Variants in TYW1B observed in about 807,000 individuals in gnomAD.
The protein encoded by TYW1B is S-adenosyl-L-methionine-dependent tRNA 4-demethylwyosine synthase TYW1B.
TYW1B carries 73 observed loss-of-function variants against 86.9 expected under a neutral mutation model. The observed-to-expected ratio is 0.84, with a 90% CI of 0.70 to 1.02. The LOEUF is 1.02. Ranked by LOEUF, TYW1B falls within the 50% of genes least tolerant of loss-of-function variation. The pLI, the probability that TYW1B is intolerant of heterozygous loss-of-function variation, is 0.00. For synonymous variants in TYW1B, 248 were observed against 292.8 expected, an observed-to-expected ratio of 0.85 and a Z score of 1.56; for missense variants, 637 against 827.4, an observed-to-expected ratio of 0.77 and a Z score of 2.82.
intron 11 of TYW1B, among the ~76,000 whole-genome samples, chr7:72,686,431 C>T (rs547030509): frequency 4.6e-5 from 7 of 152,200 alleles, no homozygotes; most frequent in African/African-American, 1.7e-4. Context: ...ATGCATATTG[C>T]TAAGTGAAAG....
chr7:72,582,360 T>C (rs543544931), intron 13 of TYW1B, among the ~76,000 whole-genome samples: 1 of 152,226 alleles, frequency 6.6e-6, no homozygotes, highest in African/African-American at 2.4e-5. Flanking sequence ...ACACAGAGGA[T>C]TAGGAATCTG....
chr7:72,693,701 C>T (rs553229333), intron 11 of TYW1B, among the ~76,000 whole-genome samples: 3 of 152,054 alleles, frequency 2.0e-5, no homozygotes, highest in East Asian at 1.9e-4. Context: ...GGCCTGCAGA[C>T]GCCTCTTTTA....
chr7:72,593,660 A>G (rs1374424523), intron 13 of TYW1B, among the ~76,000 whole-genome samples: 1 of 151,716 alleles, frequency 6.6e-6, no homozygotes, highest in African/African-American at 2.4e-5. Context: ...GTCTTTACTA[A>G]AAATACAAAA....
intron 13 of TYW1B, among the ~76,000 whole-genome samples, chr7:72,589,009 T>G (rs1312146817): frequency 3.9e-5 from 6 of 152,154 alleles, no homozygotes; most frequent in Admixed American, 3.3e-4. Context: ...GATGGGGTTT[T>G]GCCATGTTGG....
chr7:72,716,805 A>ATTTTTTTTT (rs71071904), intron 9 of TYW1B, among the ~76,000 whole-genome samples: 1 of 136,466 alleles, frequency 7.3e-6, no homozygotes, highest in African/African-American at 2.8e-5. Context: ...CGTCTGGCTA[A>ATTTTTTTTT]TTTTTTTTTT....
intron 11 of TYW1B, among the ~76,000 whole-genome samples, chr7:72,693,687 A>G (rs1445274760): frequency 6.6e-6 from 1 of 151,922 alleles, no homozygotes; most frequent in Admixed American, 6.6e-5. Flanking sequence ...GAGCTACCAC[A>G]CCTGGCCTGC....
intron 11 of TYW1B, among the ~76,000 whole-genome samples, chr7:72,635,489 C>T (rs1466892476): frequency 1.6e-4 from 24 of 152,246 alleles, no homozygotes; most frequent in African/African-American, 5.5e-4. Flanking sequence ...TGCTGAATAT[C>T]CTACAATGCA....
chr7:72,637,978 G>A (rs1404845562), intron 11 of TYW1B, among the ~76,000 whole-genome samples: 5 of 151,474 alleles, frequency 3.3e-5, no homozygotes, highest in African/African-American at 9.7e-5. Flanking sequence ...CTTTATCTCT[G>A]CCTGCTTTTA....
chr7:72,784,851 C>T (rs1485568114), intron 6 of TYW1B, among the ~76,000 whole-genome samples: 1 of 151,940 alleles, frequency 6.6e-6, no homozygotes, highest in Non-Finnish European at 1.5e-5. Flanking sequence ...CACCCCCTAA[C>T]CCATTCTCCA....
At position 72,826,505 on chromosome 7, in the gene TYW1B, T is replaced by C. The variant is rs185326626; in HGVS notation, c.135+350A>G. Among the ~76,000 whole-genome samples, 125 of 152,304 alleles carry C rather than the reference T, an allele frequency of 8.2e-4. No individual in the cohort carries two copies. The East Asian group carries it at 0.019, about 23-fold the overall frequency. On this transcript the variant is annotated intron_variant, in intron 2 of 13. Transcript: ENST00000620995. The stretch of plus-strand genomic sequence containing the variant: ...TACATACTTTTATCCTATAAGGTAT[T>C]TTAGTAGAATAATAGTAGGAACTTA...
Position 72,652,813 on chromosome 7 carries a change from G to A in TYW1B, c.1507-23816C>T, listed in dbSNP as rs2844168. On this transcript the variant is annotated intron_variant, in intron 11 of 13. Coordinates refer to ENST00000620995, the MANE Select transcript of TYW1B (RefSeq NM_001145440.3). ...TGCAAAAATGACAAGACCATGAGAT[G>A]TAACCTTACTAAAGGGCAAATTCGG... Among the ~76,000 whole-genome samples the A allele has an allele frequency of 2.1e-3, 323 of 151,984 alleles. 4 individuals are homozygous for A. Among genetic ancestry groups the A allele is most frequent in the African/African-American group, 7.2e-3 (299 of 41,290 alleles).
chr7:72,720,943 C>T (rs1162796223), intron 9 of TYW1B, among the ~76,000 whole-genome samples: 2 of 148,004 alleles, frequency 1.4e-5, no homozygotes, highest in Admixed American at 1.4e-4. Context: ...GTTCCCCTTC[C>T]TATGTCTAAG....
At chr7:72,742,955 G>A (rs1420015174) in intron 8 of TYW1B, among the ~76,000 whole-genome samples, 1 of 152,090 alleles carries the variant, frequency 6.6e-6, no homozygotes, top group Non-Finnish European at 1.5e-5. Flanking sequence ...GGATATAGTG[G>A]GTTTGAGAAA....
At chr7:72,627,512 T>C (rs199752200) in intron 12 of TYW1B, among the ~76,000 whole-genome samples, 42 of 143,326 alleles carry the variant, frequency 2.9e-4, no homozygotes, top group African/African-American at 1.1e-3. Context: ...TAACATAACA[T>C]AAATAAAATA....
At chr7:72,689,378 A>G (rs1256793795) in intron 11 of TYW1B, among the ~76,000 whole-genome samples, 1 of 152,158 alleles carries the variant, frequency 6.6e-6, no homozygotes, top group East Asian at 1.9e-4. Context: ...ATTAAATGCA[A>G]CATGTCATTT....
intron 11 of TYW1B, among the ~76,000 whole-genome samples, chr7:72,667,048 A>AAAAAAAAAAAAAAAAAAG (rs60588106): frequency 1.5e-5 from 2 of 131,366 alleles, no homozygotes; most frequent in African/African-American, 3.1e-5. Context: ...AAAAAAAAAA[A>AAAAAAAAAAAAAAAAAAG]AAAGAAACTA....
At chr7:72,730,808 G>C (rs1326798303) in intron 8 of TYW1B, among the ~76,000 whole-genome samples, 1 of 151,514 alleles carries the variant, frequency 6.6e-6, no homozygotes, top group Non-Finnish European at 1.5e-5. Context: ...AGAACAGGTG[G>C]GAAAAGACAT....
intron 12 of TYW1B, among the ~76,000 whole-genome samples, chr7:72,617,248 C>T (rs1812099200): frequency 1.3e-5 from 2 of 152,178 alleles, no homozygotes; most frequent in African/African-American, 4.8e-5. Flanking sequence ...TAAAAATTCA[C>T]TGACCAAGTA....
intron 6 of TYW1B, among the ~76,000 whole-genome samples, chr7:72,799,784 G>T (rs1563098184): frequency 6.6e-6 from 1 of 152,122 alleles, no homozygotes; most frequent in Non-Finnish European, 1.5e-5. Context: ...TTTTTTAAAA[G>T]AGTTCATTGT....
Sources: allele counts gnomAD v4.1 joint callset (sites outside exome capture counted in the v4.1 genomes callset), GRCh38; gene constraint gnomAD v4.1.1; transcripts MANE v1.5; gene names NCBI Gene and HGNC (gene_info 2026-07-23, HGNC 2026-07-21).